The following NUP205 variants were observed in gnomAD, a reference collection of about 807,000 sequenced individuals.
The protein encoded by NUP205 is nucleoporin 205, also known as nuclear pore complex protein Nup205.
A neutral mutation model predicts 253.8 loss-of-function variants in NUP205; 76 were observed. The ratio of observed to expected loss-of-function variants is 0.30; its 90% CI spans 0.25 to 0.36. The LOEUF (loss-of-function observed/expected upper bound fraction) is 0.36, where lower values mean the gene tolerates loss of function less well. Ranked by LOEUF, NUP205 falls within the 10% of genes least tolerant of loss-of-function variation. The pLI, the probability that NUP205 is intolerant of heterozygous loss-of-function variation, is 1.00. For synonymous variants in NUP205, 832 were observed against 850.1 expected (o/e 0.98, Z 0.37); for missense variants, 2,162 against 2,425.5 (o/e 0.89, Z 2.28).
At chr7:135,562,075 AG>A (rs1805598137) in intron 1 of NUP205, among the ~76,000 whole-genome samples, 1 of 152,002 alleles carries the variant, frequency 6.6e-6, no homozygotes, top group Non-Finnish European at 1.5e-5. Flanking sequence ...TGCTATGCCC[AG>A]CCTACTGACT....
intron 16 of NUP205, 118 bp downstream of exon 16, chr7:135,601,087 C>A: frequency 1.6e-6 from 1 of 616,258 alleles, no homozygotes; most frequent in Non-Finnish European, 2.7e-6. Context: ...TCTTTTGTTT[C>A]ATTGTTTTAA....
chr7:135,560,015 C>T (rs904032714), intron 1 of NUP205, among the ~76,000 whole-genome samples: 3 of 152,070 alleles, frequency 2.0e-5, no homozygotes, highest in Non-Finnish European at 4.4e-5. Flanking sequence ...CCCGCCACTA[C>T]ACCCAGCTAA....
At chr7:135,578,377 T>G (rs551137328) in intron 6 of NUP205, among the ~76,000 whole-genome samples, 30 of 152,386 alleles carry the variant, frequency 2.0e-4, no homozygotes, top group South Asian at 4.1e-4. Context: ...ATTTCAGTAA[T>G]GTAATCTTTG....
intron 5 of NUP205, among the ~76,000 whole-genome samples, chr7:135,577,344 T>C (rs574225701): frequency 7.9e-5 from 12 of 152,322 alleles, no homozygotes; most frequent in Non-Finnish European, 1.2e-4. Flanking sequence ...ATGTATGATA[T>C]GTAATAAATC....
chr7:135,638,664 T>C lies in NUP205; in HGVS notation c.5373T>C (p.Asn1791=), dbSNP rs748621018. ...LFTPSLSETV[N]RDGPRQDTQA... ...CTCCTAGCCTTTCAGAAACAGTTAA[T>C]AGAGATGGACCGCGGCAAGGTGAGC... Residue 1791 remains asparagine, a synonymous_variant, in exon 38 of 43, where the codon AAT becomes AAC. Coordinates refer to ENST00000285968, the MANE Select transcript of NUP205 (RefSeq NM_015135.3). 4 of 1,614,134 alleles carry C rather than the reference T, an allele frequency of 2.5e-6. No individual in the cohort carries two copies. The highest frequency in any genetic ancestry group is 3.4e-6 in the Non-Finnish European group (4 of 1,180,008).
intron 17 of NUP205, 43 bp downstream of exon 17, chr7:135,601,550 G>T: frequency 1.3e-6 from 2 of 1,576,356 alleles, no homozygotes; most frequent in Admixed American, 1.9e-5. Flanking sequence ...CAGCTTTGAT[G>T]TTTTCATCTT....
intron 39 of NUP205, among the ~76,000 whole-genome samples, chr7:135,644,096 G>A (rs751240812): frequency 1.3e-4 from 20 of 152,168 alleles, no homozygotes; most frequent in South Asian, 4.1e-4. Flanking sequence ...AACATGCCAG[G>A]CCCTGAACTA....
At chr7:135,639,878 A>G (rs540502875) in intron 38 of NUP205, among the ~76,000 whole-genome samples, 1 of 152,362 alleles carries the variant, frequency 6.6e-6, no homozygotes, top group African/African-American at 2.4e-5. Context: ...CTATGCAGCC[A>G]TAAACAAGAA....
chr7:135,626,409 A>C, intron 33 of NUP205, 48 bp downstream of exon 33: 1 of 1,564,370 alleles, frequency 6.4e-7, no homozygotes, highest in Admixed American at 2.0e-5. Flanking sequence ...GTAAAGGATT[A>C]TTAAGGGAAG....
chr7:135,616,967 G>A (rs1794374895), intron 25 of NUP205, 123 bp from the exon 26 acceptor site: 8 of 722,362 alleles, frequency 1.1e-5, no homozygotes, highest in Non-Finnish European at 1.8e-5. Context: ...ACAGTTTTCA[G>A]TTTCTTGACT....
chr7:135,603,140 G>T lies in NUP205; in HGVS notation c.2702+146G>T, dbSNP rs564470105. 451 of 560,464 alleles carry T rather than the reference G, an allele frequency of 8.0e-4. 2 individuals carry two copies. The highest frequency in any genetic ancestry group is 1.2e-3 in the Non-Finnish European group (387 of 335,336). The allele number at this position is 560,464 out of a possible 1,614,324, so 34.7% of individuals were successfully genotyped here. The stretch of plus-strand genomic sequence containing the variant: ...TTTTTTTTTTTTTTTTTTTGAGATG[G>T]AGTCTCGCTCTGTCGTCCAGGCTAG... On this transcript the variant is annotated intron_variant, in intron 18 of 42. Coordinates refer to ENST00000285968, the MANE Select transcript of NUP205 (RefSeq NM_015135.3).
chr7:135,558,816 G>A (rs539146669), intron 1 of NUP205, among the ~76,000 whole-genome samples: 1 of 152,344 alleles, frequency 6.6e-6, no homozygotes, highest in Non-Finnish European at 1.5e-5. Context: ...ATGCTCTGAA[G>A]TTCGCGGGCA....
chr7:135,571,118 G>T lies in NUP205; in HGVS notation c.42G>T (p.Trp14Cys). The change falls in exon 2 of 43, where the codon TGG becomes TGT. Residue 14 changes from tryptophan (W) to cysteine (C), a missense_variant. Around this residue, in one of 5 missense-constraint regions of NUP205, gnomAD observed 109 missense variants for 131.8 expected, o/e 0.83. Coordinates refer to ENST00000285968, the MANE Select transcript of NUP205 (RefSeq NM_015135.3). Reference protein sequence around the residue: ...PLAVNSAASLWGPYKDIWHKV... With the variant: ...PLAVNSAASLCGPYKDIWHKV... The stretch of plus-strand genomic sequence containing the variant: ...TTTTTCTTTAAGCTGCTAGTCTATG[G>T]GGTCCTTACAAAGACATTTGGCATA... The T allele has an allele frequency of 6.4e-7, 1 of 1,552,118 alleles. No homozygotes were observed.
At chr7:135,564,104 G>A (rs1047649237) in intron 1 of NUP205, among the ~76,000 whole-genome samples, 1 of 151,594 alleles carries the variant, frequency 6.6e-6, no homozygotes, top group Non-Finnish European at 1.5e-5. Flanking sequence ...TTTGAGACGA[G>A]GTTTCACTCT....
intron 13 of NUP205, among the ~76,000 whole-genome samples, chr7:135,596,674 G>A (rs1053965373): frequency 6.6e-6 from 1 of 152,048 alleles, no homozygotes; most frequent in South Asian, 2.1e-4. Context: ...TACTGGCTGG[G>A]TGCAGTGACT....
In NUP205 at chr7:135,584,842, A is replaced by T. The variant is rs371440427; in HGVS notation, c.1053A>T (p.Glu351Asp). ...SQLPDVTALA[E>D]FTEADEAMAE... ...AAAATCTGTTTCTAGCTCTGGCAGA[A>T]TTCACAGAGGCAGATGAAGCAATGG... Residue 351 changes from glutamate to aspartate, a missense_variant, in exon 8 of 43, where the codon GAA becomes GAT. Transcript: ENST00000285968. 2.5e-6 allele frequency: 4 copies of T among 1,613,938 alleles called. No individual in the cohort carries two copies. The highest frequency in any genetic ancestry group is 3.4e-6 in the Non-Finnish European group (4 of 1,179,942).
intron 12 of NUP205, among the ~76,000 whole-genome samples, chr7:135,593,409 T>C (rs1793744370): frequency 6.6e-6 from 1 of 152,144 alleles, no homozygotes; most frequent in African/African-American, 2.4e-5. Context: ...ATAAAAATAA[T>C]AGCCTGAGCC....
chr7:135,602,123 T>C (rs1793979474), intron 17 of NUP205, among the ~76,000 whole-genome samples: 1 of 152,240 alleles, frequency 6.6e-6, no homozygotes, highest in Admixed American at 6.5e-5. Context: ...ACCACGATGC[T>C]ATATTACCTC....
chr7:135,625,073 T>C, intron 31 of NUP205, 91 bp from the exon 32 acceptor site: 2 of 1,002,042 alleles, frequency 2.0e-6, no homozygotes, highest in South Asian at 3.1e-5. Context: ...ACATTCTTCA[T>C]ATTTCATATC....
Sources: allele counts gnomAD v4.1 joint callset (sites outside exome capture counted in the v4.1 genomes callset), GRCh38; gene constraint gnomAD v4.1.1; regional missense constraint gnomAD v4.1.1; transcripts MANE v1.5; gene names NCBI Gene and HGNC (gene_info 2026-07-23, HGNC 2026-07-21).